The following RALGAPA2 variants were observed in gnomAD, a reference collection of about 807,000 sequenced individuals.
RALGAPA2 encodes Ral GTPase activating protein catalytic subunit alpha 2.
Under a neutral mutation model 230.4 loss-of-function variants are expected in RALGAPA2, and 139 were observed. That is an observed-to-expected ratio of 0.60 (90% CI 0.53 to 0.69). RALGAPA2 has a LOEUF of 0.69. RALGAPA2 is among the 30% of genes least tolerant of loss of function. RALGAPA2 has a pLI of 0.00. For synonymous variants in RALGAPA2, 847 were observed against 837.8 expected (o/e 1.01, Z -0.19); for missense variants, 2,163 against 2,276.0 (o/e 0.95, Z 1.01).
chr20:20,588,404 G>A (rs1344867078), intron 18 of RALGAPA2, among the ~76,000 whole-genome samples: 1 of 152,126 alleles, frequency 6.6e-6, no homozygotes, highest in Non-Finnish European at 1.5e-5. Flanking sequence ...GACAACTAAA[G>A]AACATCCTGT....
intron 6 of RALGAPA2, 146 bp downstream of exon 6, chr20:20,640,555 T>C (rs1211632756): frequency 2.7e-6 from 2 of 747,196 alleles, no homozygotes; most frequent in East Asian, 5.4e-5. Context: ...TTCTAAGGTA[T>C]GTAAGAATCT....
intron 1 of RALGAPA2, among the ~76,000 whole-genome samples, chr20:20,683,979 T>C (rs2068612282): frequency 6.6e-6 from 1 of 152,206 alleles, no homozygotes; most frequent in Non-Finnish European, 1.5e-5. Flanking sequence ...TCTGAGCACA[T>C]GCAGAGTGCG....
In RALGAPA2 at chr20:20,619,499, T is replaced by C. The variant is rs2066256468; in HGVS notation, c.1402-85A>G. The C allele has an allele frequency of 4.8e-6, 5 of 1,031,196 alleles. No individual in the cohort carries two copies. In the African/African-American group the frequency reaches 5.1e-5, roughly 10 times the overall value. The allele number at this position is 1,031,196 out of a possible 1,614,324, so 63.9% of individuals were successfully genotyped here. The stretch of plus-strand genomic sequence containing the variant: ...ACTATAAATATAATTAAATATATTA[T>C]ATAAACTAAGTTATATTTAGTTGGC... On this transcript the variant is annotated intron_variant, in intron 11 of 39. Transcript: ENST00000202677.
chr20:20,517,116 C>T (rs1225608570), intron 31 of RALGAPA2, among the ~76,000 whole-genome samples: 1 of 152,172 alleles, frequency 6.6e-6, no homozygotes, highest in Admixed American at 6.5e-5. Context: ...CTACAGATAG[C>T]CCTCCTGGAA....
chr20:20,607,787 A>G (rs1463766879), intron 14 of RALGAPA2, among the ~76,000 whole-genome samples: 1 of 152,246 alleles, frequency 6.6e-6, no homozygotes, highest in African/African-American at 2.4e-5. Context: ...ATTATGAAAC[A>G]AGCGCAGAAT....
At chr20:20,608,793 A>G (rs1453234475) in intron 14 of RALGAPA2, among the ~76,000 whole-genome samples, 1 of 152,126 alleles carries the variant, frequency 6.6e-6, no homozygotes, top group East Asian at 1.9e-4. Context: ...ACAAATCCCA[A>G]TGGGCCCACT....
intron 9 of RALGAPA2, among the ~76,000 whole-genome samples, chr20:20,634,577 C>A (rs1215289665): frequency 6.6e-6 from 1 of 152,186 alleles, no homozygotes; most frequent in Non-Finnish European, 1.5e-5. Context: ...AGCACAAGAG[C>A]CACTTATCTG....
Position 20,512,504 on chromosome 20 carries a change from G to A in RALGAPA2, c.4856+9C>T. ...ATAAAATAACTGGAGGTCTAGCTTG[G>A]ATTGTTACCTTCTGTCCCAAGAATT... On this transcript the variant is annotated intron_variant, in intron 32 of 39. Transcript: ENST00000202677. 1 of 1,576,904 alleles carries A rather than the reference G, an allele frequency of 6.3e-7. No homozygotes were observed. The highest frequency in any genetic ancestry group is 8.6e-7 in the Non-Finnish European group (1 of 1,164,308).
At chr20:20,599,410 C>T (rs1397072906) in intron 16 of RALGAPA2, among the ~76,000 whole-genome samples, 1 of 152,158 alleles carries the variant, frequency 6.6e-6, no homozygotes, top group African/African-American at 2.4e-5. Context: ...TAAGTGTCTA[C>T]TTTACGGTGT....
At chr20:20,694,143 TA>T (rs966226495) in intron 1 of RALGAPA2, among the ~76,000 whole-genome samples, 194 of 143,270 alleles carry the variant, frequency 1.4e-3, no homozygotes, top group African/African-American at 1.5e-3. Flanking sequence ...ACCGTAACTT[TA>T]AAAAAAAAAA....
intron 20 of RALGAPA2, among the ~76,000 whole-genome samples, chr20:20,581,282 T>G (rs1039117803): frequency 5.3e-5 from 8 of 152,192 alleles, no homozygotes; most frequent in Non-Finnish European, 1.0e-4. Flanking sequence ...TTCTTCCCTT[T>G]CAATAAAAAT....
intron 23 of RALGAPA2, among the ~76,000 whole-genome samples, chr20:20,557,326 G>C (rs2064115377): frequency 6.6e-6 from 1 of 151,856 alleles, no homozygotes; most frequent in African/African-American, 2.4e-5. Context: ...AAAGGGGTAA[G>C]TAAAATGCAC....
chr20:20,515,666 C>A (rs1027426483), intron 31 of RALGAPA2, among the ~76,000 whole-genome samples: 2 of 152,228 alleles, frequency 1.3e-5, no homozygotes, highest in East Asian at 3.9e-4. Flanking sequence ...GCCTTGCAGG[C>A]ATTCTCAGTC....
intron 37 of RALGAPA2, chr20:20,471,291 A>C (rs931382125): frequency 2.6e-5 from 4 of 151,872 alleles, no homozygotes; most frequent in Non-Finnish European, 4.4e-5. Flanking sequence ...TTGAGAAAGC[A>C]GTGTTAAACA....
intron 37 of RALGAPA2, among the ~76,000 whole-genome samples, chr20:20,433,610 T>G (rs952310066): frequency 3.3e-5 from 5 of 152,194 alleles, no homozygotes; most frequent in African/African-American, 1.2e-4. Flanking sequence ...GTTTCTCAGA[T>G]GAGGTCCAAC....
intron 19 of RALGAPA2, 89 bp from the exon 20 acceptor site, chr20:20,583,315 A>C: frequency 7.7e-7 from 1 of 1,301,038 alleles, no homozygotes; most frequent in Non-Finnish European, 1.1e-6. Flanking sequence ...AACTAAACAA[A>C]CAGCAGACAC....
chr20:20,552,032 G>A (rs114184366), intron 23 of RALGAPA2, among the ~76,000 whole-genome samples: 110 of 152,252 alleles, frequency 7.2e-4, no homozygotes, highest in African/African-American at 2.6e-3. Context: ...GGGGGAAAAT[G>A]TTCACTTTAA....
chr20:20,641,724 G>A (rs2067036683), intron 5 of RALGAPA2, among the ~76,000 whole-genome samples: 1 of 151,576 alleles, frequency 6.6e-6, no homozygotes, highest in Non-Finnish European at 1.5e-5. Context: ...AAGATGTAGT[G>A]AGCTCCAAAT....
chr20:20,548,168 T>C (rs1220997448), intron 23 of RALGAPA2, among the ~76,000 whole-genome samples: 1 of 152,116 alleles, frequency 6.6e-6, no homozygotes, highest in Non-Finnish European at 1.5e-5. Flanking sequence ...TAGTTTCTTT[T>C]CTTAGATTTC....
Sources: gnomAD v4.1 joint callset for allele counts (sites outside exome capture counted in the v4.1 genomes callset) on GRCh38, gnomAD v4.1.1 for gene constraint, MANE v1.5 for transcripts, NCBI Gene and HGNC (gene_info 2026-07-23, HGNC 2026-07-21) for gene names.